Variants in NRP2 observed in about 807,000 individuals in gnomAD.
NRP2 encodes the protein neuropilin-2.
Under a neutral mutation model 110.4 loss-of-function variants are expected in NRP2, and 52 were observed. The observed-to-expected ratio is 0.47, with a 90% CI of 0.38 to 0.59. The LOEUF (loss-of-function observed/expected upper bound fraction) is 0.59. NRP2 is among the 20% of genes least tolerant of loss of function. NRP2 has a pLI of 0.00. For synonymous variants in NRP2, 508 were observed against 468.9 expected, an observed-to-expected ratio of 1.08 and a Z score of -1.08; for missense variants, 1,049 against 1,203.0, an observed-to-expected ratio of 0.87 and a Z score of 1.89.
Position 205,722,620 on chromosome 2 carries a change from G to T in NRP2, c.576G>T (p.Leu192=), listed in dbSNP as rs2057043203. ...AGATGGAGATCATCCTGCAGTTCCT[G>T]ATCTTTGACCTGGAGCATGACCCTT... ...KPKMEIILQF[L]IFDLEHDPLQ... is the part of the protein sequence containing the mutation. The change falls in exon 4 of 17, where the codon CTG becomes CTT. Residue 192 remains leucine (L), a synonymous_variant. Coordinates refer to ENST00000357785, the MANE Select transcript of NRP2 (RefSeq NM_003872.3). 1 of 1,614,090 alleles carries T rather than the reference G, an allele frequency of 6.2e-7. No individual in the cohort carries two copies. The highest frequency in any genetic ancestry group is 1.1e-5 in the South Asian group (1 of 91,090).
chr2:205,749,906 C>A, intron 11 of NRP2, 65 bp downstream of exon 11: 1 of 1,299,616 alleles, frequency 7.7e-7, no homozygotes, highest in Non-Finnish European at 1.1e-6. Flanking sequence ...TGGCCTGTGG[C>A]TGGACAGGGA....
intron 2 of NRP2, among the ~76,000 whole-genome samples, chr2:205,710,619 G>C (rs969080803): frequency 6.6e-6 from 1 of 152,244 alleles, no homozygotes; most frequent in Non-Finnish European, 1.5e-5. Context: ...CTAAGGAGCA[G>C]GTGGCCTGGC....
In NRP2 at chr2:205,794,934, C is replaced by T. The variant is rs775058358; in HGVS notation, c.2657C>T (p.Thr886Ile). 3 of 1,614,176 alleles carry T rather than the reference C, an allele frequency of 1.9e-6. No individual in the cohort carries two copies. The highest frequency in any genetic ancestry group is 1.1e-5 in the South Asian group (1 of 91,086). ...TGTGCAGGCCTCCTGCTCTACTGCA[C>T]CTGTTCCTACTCGGGCCTGAGCTCC... Reference protein sequence around the residue: ...ATCAGLLLYCTCSYSGLSSRS... With the variant: ...ATCAGLLLYCICSYSGLSSRS... The change falls in exon 17 of 17, where the codon ACC becomes ATC. Residue 886 changes from threonine (T) to isoleucine (I), a missense_variant. By Grantham distance (89) the Thr-to-Ile change is moderately conservative (BLOSUM62 -1). Coordinates refer to ENST00000357785, the MANE Select transcript of NRP2 (RefSeq NM_003872.3).
intron 2 of NRP2, among the ~76,000 whole-genome samples, chr2:205,705,554 T>A (rs74438783): frequency 6.6e-6 from 1 of 152,204 alleles, no homozygotes; most frequent in East Asian, 1.9e-4. Context: ...GGGACTCAAC[T>A]GTATGTTTGT....
At chr2:205,696,878 T>C (rs1308113427) in intron 1 of NRP2, among the ~76,000 whole-genome samples, 1 of 152,176 alleles carries the variant, frequency 6.6e-6, no homozygotes, top group South Asian at 2.1e-4. Context: ...CGGTGTATAA[T>C]GAAATAATAA....
intron 16 of NRP2, 55 bp downstream of exon 16, chr2:205,792,340 G>T: frequency 7.5e-7 from 1 of 1,326,290 alleles, no homozygotes; most frequent in Non-Finnish European, 1.1e-6. Context: ...TGGTTATAAA[G>T]GTGTCAACAA....
At chr2:205,701,050 C>G (rs2056544696) in intron 2 of NRP2, 2 of 200,352 alleles carry the variant, frequency 1.0e-5, no homozygotes, top group Non-Finnish European at 2.1e-5. Context: ...GAGTCATCAG[C>G]CAACAGACTG....
chr2:205,683,178 A>T lies in NRP2; in HGVS notation c.-113A>T. The stretch of plus-strand genomic sequence containing the variant: ...AGGACTCAGGAGGGAAACGCTGACC[A>T]TTAGAAACCTCTGCATAAGACGTTG... On this transcript the variant is annotated 5_prime_UTR_variant, in exon 1 of 17. Coordinates refer to ENST00000357785, the MANE Select transcript of NRP2 (RefSeq NM_003872.3). 1.3e-6 allele frequency: 1 copy of T among 786,606 alleles called. No individual in the cohort carries two copies. Among genetic ancestry groups the T allele is most frequent in the Non-Finnish European group, 2.2e-6 (1 of 463,630 alleles). The allele number at this position is 786,606 out of a possible 1,614,324, so 48.7% of individuals were successfully genotyped here. A position where few individuals can be genotyped will look rare whatever the true frequency, so the allele number is the denominator to read the frequency against.
In NRP2 at chr2:205,698,816, G is replaced by T. The variant is rs369347187; in HGVS notation, c.251+1095G>T. Among the ~76,000 whole-genome samples the T allele has an allele frequency of 3.9e-5, 6 of 152,196 alleles. No individual in the cohort carries two copies. The East Asian group carries it at 7.7e-4, about 19-fold the overall frequency. On this transcript the variant is annotated intron_variant, in intron 2 of 16. Coordinates refer to ENST00000357785, the MANE Select transcript of NRP2 (RefSeq NM_003872.3). ...TTCATAAATTGTCTAAGCATTCCTTGCTATTAAGCAAGGAATTGCAAATAC... is the reference window on the plus strand; with the variant it reads ...TTCATAAATTGTCTAAGCATTCCTTTCTATTAAGCAAGGAATTGCAAATAC...
At chr2:205,778,135 C>T (rs1319671442) in intron 15 of NRP2, 1 of 152,102 alleles carries the variant, frequency 6.6e-6, no homozygotes, top group African/African-American at 2.4e-5. Context: ...TGCTAAAAAT[C>T]CACTGGGGAG....
At chr2:205,684,493 G>A (rs2056097385) in intron 1 of NRP2, among the ~76,000 whole-genome samples, 3 of 152,174 alleles carry the variant, frequency 2.0e-5, no homozygotes, top group Admixed American at 2.0e-4. Context: ...AGCCTCCTTG[G>A]CATCCCCAGA....
Position 205,790,290 on chromosome 2 carries a change from A to G in NRP2, c.2426-1945A>G, listed in dbSNP as rs76561570. On this transcript the variant is annotated intron_variant, in intron 15 of 16. Coordinates refer to ENST00000357785, the MANE Select transcript of NRP2 (RefSeq NM_003872.3). ...AGAGGCCGTGATCTCCTGTGATAAAATGTTCTCAAAATCATTAGCATCATT... is the reference window on the plus strand; with the variant it reads ...AGAGGCCGTGATCTCCTGTGATAAAGTGTTCTCAAAATCATTAGCATCATT... 4.4e-3 allele frequency among the ~76,000 whole-genome samples: 666 copies of G among 152,288 alleles called. 11 individuals carry two copies. Among genetic ancestry groups the G allele is most frequent in the African/African-American group, 0.015 (628 of 41,550 alleles).
chr2:205,697,817 A>C, intron 2 of NRP2, 96 bp downstream of exon 2: 2 of 1,206,038 alleles, frequency 1.7e-6, no homozygotes, highest in Non-Finnish European at 2.5e-6. Flanking sequence ...CCCTCACCCC[A>C]AGACCTGCTG....
chr2:205,793,425 T>C (rs76774332), intron 16 of NRP2, among the ~76,000 whole-genome samples: 2,179 of 152,320 alleles, frequency 0.014, 76 homozygotes, highest in East Asian at 0.075. Context: ...TGCCCAGATG[T>C]GGGCATGCCT....
intron 14 of NRP2, among the ~76,000 whole-genome samples, chr2:205,765,941 C>T (rs1228696241): frequency 3.9e-5 from 6 of 152,178 alleles, no homozygotes; most frequent in Non-Finnish European, 8.8e-5. Context: ...TTAATGGAAG[C>T]CTTCACTGGT....
At chr2:205,687,372 G>A (rs547792400) in intron 1 of NRP2, among the ~76,000 whole-genome samples, 139 of 152,250 alleles carry the variant, frequency 9.1e-4, no homozygotes, top group Non-Finnish European at 1.3e-3. Context: ...TAGATTTTAC[G>A]CAGACGGCCT....
At chr2:205,771,823 G>A (rs897581029) in intron 15 of NRP2, among the ~76,000 whole-genome samples, 4 of 152,220 alleles carry the variant, frequency 2.6e-5, no homozygotes, top group Non-Finnish European at 5.9e-5. Context: ...TACAGTCTCT[G>A]TTGCAAGTAT....
chr2:205,701,053 A>G (rs547821056), intron 2 of NRP2: 78 of 201,976 alleles, frequency 3.9e-4, no homozygotes, highest in Non-Finnish European at 7.1e-4. Flanking sequence ...TCATCAGCCA[A>G]CAGACTGAAT....
At chr2:205,699,795 A>T (rs1245568587) in intron 2 of NRP2, among the ~76,000 whole-genome samples, 2 of 152,162 alleles carry the variant, frequency 1.3e-5, no homozygotes, top group East Asian at 3.9e-4. Context: ...TCCCCATTCC[A>T]TGACCTCATG....
Sources: gnomAD v4.1 joint callset for allele counts (sites outside exome capture counted in the v4.1 genomes callset) on GRCh38, gnomAD v4.1.1 for gene constraint, MANE v1.5 for transcripts, NCBI Gene and HGNC (gene_info 2026-07-23, HGNC 2026-07-21) for gene names.